Variants in FUT8 observed in about 807,000 individuals in gnomAD.
The protein encoded by FUT8 is fucosyltransferase 8.
Under a neutral mutation model 71.3 loss-of-function variants are expected in FUT8, and 29 were observed. The observed-to-expected ratio is 0.41, with a 90% CI of 0.30 to 0.55. FUT8 has a LOEUF of 0.55. Ranked by LOEUF, FUT8 falls within the 20% of genes least tolerant of loss-of-function variation. The pLI is 0.34. For missense variants in FUT8, 544 were observed against 702.1 expected (o/e 0.77, Z 2.55); for synonymous variants, 254 against 239.3 (o/e 1.06, Z -0.57).
intron 2 of FUT8, among the ~76,000 whole-genome samples, chr14:65,514,531 GTCTTA>G (rs1162891075): frequency 6.6e-6 from 1 of 152,158 alleles, no homozygotes; most frequent in African/African-American, 2.4e-5. Flanking sequence ...TCTCTTGAGG[GTCTTA>G]TCTTAGCTAC....
intron 2 of FUT8, among the ~76,000 whole-genome samples, chr14:65,523,495 T>C (rs1359045792): frequency 6.6e-6 from 1 of 152,210 alleles, no homozygotes; most frequent in Non-Finnish European, 1.5e-5. Flanking sequence ...GATGGGTAGA[T>C]TGCAAAAATT....
At chr14:65,487,846 G>A (rs2066432054) in intron 2 of FUT8, among the ~76,000 whole-genome samples, 1 of 152,136 alleles carries the variant, frequency 6.6e-6, no homozygotes, top group South Asian at 2.1e-4. Context: ...GTTTATTTCA[G>A]AGACAGGGTC....
intron 3 of FUT8, among the ~76,000 whole-genome samples, chr14:65,565,887 C>A (rs1000701864): frequency 6.6e-6 from 1 of 151,120 alleles, no homozygotes; most frequent in African/African-American, 2.4e-5. Flanking sequence ...TTAATAAGTT[C>A]TTTGAAAAAA....
chr14:65,535,909 A>G (rs1464590721), intron 2 of FUT8, among the ~76,000 whole-genome samples: 3 of 152,064 alleles, frequency 2.0e-5, no homozygotes, highest in Admixed American at 2.0e-4. Flanking sequence ...ATTGTGTGGG[A>G]GTCTAAGTCT....
intron 1 of FUT8, among the ~76,000 whole-genome samples, chr14:65,435,937 T>C (rs2065550633): frequency 6.6e-6 from 1 of 150,906 alleles, no homozygotes; most frequent in Non-Finnish European, 1.5e-5. Context: ...TTTTTTTTTT[T>C]TTTCTTTAAA....
intron 3 of FUT8, among the ~76,000 whole-genome samples, chr14:65,611,205 G>A (rs1197464270): frequency 0.16 from 357 of 2,184 alleles, 55 homozygotes; most frequent in African/African-American, 0.21. Context: ...ACACGCGCGC[G>A]CGCGCGCGCG....
At chr14:65,615,256 C>G (rs1889221396) in intron 3 of FUT8, among the ~76,000 whole-genome samples, 1 of 152,104 alleles carries the variant, frequency 6.6e-6, no homozygotes, top group Non-Finnish European at 1.5e-5. Flanking sequence ...CAGGCACACA[C>G]CACCATGTGC....
intron 3 of FUT8, among the ~76,000 whole-genome samples, chr14:65,582,154 C>T (rs7146993): frequency 0.69 from 105,037 of 151,946 alleles, 36,551 homozygotes; most frequent in East Asian, 0.85. Flanking sequence ...CTAGCATTTT[C>T]TTCTTCCATC....
intron 3 of FUT8, among the ~76,000 whole-genome samples, chr14:65,591,321 T>A (rs1887674120): frequency 6.6e-6 from 1 of 152,160 alleles, no homozygotes; most frequent in African/African-American, 2.4e-5. Context: ...TTGTTCAGGT[T>A]TAGACTGAAG....
At chr14:65,457,326 C>A (rs1242515023) in intron 2 of FUT8, among the ~76,000 whole-genome samples, 1 of 152,076 alleles carries the variant, frequency 6.6e-6, no homozygotes, top group East Asian at 1.9e-4. Flanking sequence ...ATTTAACAGA[C>A]ATTGTGGCTA....
At chr14:65,610,008 C>A (rs1888800713) in intron 3 of FUT8, among the ~76,000 whole-genome samples, 1 of 151,256 alleles carries the variant, frequency 6.6e-6, no homozygotes, top group Admixed American at 6.6e-5. Flanking sequence ...ATATTAATTT[C>A]CAGTTGTTTT....
intron 7 of FUT8, among the ~76,000 whole-genome samples, chr14:65,701,924 G>C (rs1365977267): frequency 6.6e-6 from 1 of 152,120 alleles, no homozygotes; most frequent in Non-Finnish European, 1.5e-5. Flanking sequence ...GAGTCTCACT[G>C]AAACTATGAT....
intron 3 of FUT8, among the ~76,000 whole-genome samples, chr14:65,585,406 C>G (rs936396841): frequency 6.6e-6 from 1 of 152,090 alleles, no homozygotes; most frequent in Admixed American, 6.6e-5. Flanking sequence ...AGGCTGGTCT[C>G]AAAGTGCTAG....
rs903635311 is a variant in FUT8, at chr14:65,604,946, T to G, written c.204-11032T>G. ...GTGTGCATGAAAGCATGTTTTTATA[T>G]CTTTTTAAAATTTGTAAGAATGTAT... On this transcript the variant is annotated intron_variant, in intron 3 of 10. Coordinates refer to ENST00000673929, the MANE Select transcript of FUT8 (RefSeq NM_001371533.1). Among the ~76,000 whole-genome samples the G allele has an allele frequency of 3.3e-5, 5 of 151,734 alleles. No individual in the cohort carries two copies. In the South Asian group the frequency reaches 8.3e-4, roughly 25 times the overall value.
chr14:65,466,982 A>G lies in FUT8; in HGVS notation c.-228+11264A>G, dbSNP rs952250657. ...AGTCACTAAATATATTGTTGCTATTATTATTTTGAACAAGTTGTTATCTGT... is the reference window on the plus strand; with the variant it reads ...AGTCACTAAATATATTGTTGCTATTGTTATTTTGAACAAGTTGTTATCTGT... On this transcript the variant is annotated intron_variant, in intron 2 of 10. Coordinates refer to ENST00000673929, the MANE Select transcript of FUT8 (RefSeq NM_001371533.1). Among the ~76,000 whole-genome samples the G allele has an allele frequency of 3.3e-5, 5 of 152,092 alleles. No individual in the cohort carries two copies. The South Asian group carries it at 1.0e-3, about 32-fold the overall frequency.
intron 6 of FUT8, among the ~76,000 whole-genome samples, chr14:65,656,197 T>C (rs1335000982): frequency 5.9e-5 from 9 of 152,084 alleles, no homozygotes; most frequent in Non-Finnish European, 1.2e-4. Flanking sequence ...TGGTTCAATA[T>C]TTGAAAAAAT....
At chr14:65,682,241 G>A (rs911702670) in intron 7 of FUT8, among the ~76,000 whole-genome samples, 1 of 152,210 alleles carries the variant, frequency 6.6e-6, no homozygotes, top group Non-Finnish European at 1.5e-5. Flanking sequence ...GGTGGCTCAC[G>A]CTTATAATCC....
At chr14:65,428,616 G>C (rs1314612269) in intron 1 of FUT8, among the ~76,000 whole-genome samples, 2 of 152,212 alleles carry the variant, frequency 1.3e-5, no homozygotes, top group Non-Finnish European at 2.9e-5. Flanking sequence ...ATTTGGAATT[G>C]TCTGGAAGAA....
intron 7 of FUT8, among the ~76,000 whole-genome samples, chr14:65,703,102 G>A (rs531937246): frequency 6.2e-4 from 94 of 152,290 alleles, no homozygotes; most frequent in African/African-American, 2.1e-3. Flanking sequence ...GTCTTCCTTT[G>A]TAAATTCTAG....
Sources: allele counts gnomAD v4.1 joint callset (sites outside exome capture counted in the v4.1 genomes callset), GRCh38; gene constraint gnomAD v4.1.1; transcripts MANE v1.5; gene names NCBI Gene and HGNC (gene_info 2026-07-23, HGNC 2026-07-21).